CDYL: variants seen among roughly 807,000 people sequenced by gnomAD.
CDYL encodes the protein chromodomain Y like.
CDYL carries 8 observed loss-of-function variants against 47.3 expected under a neutral mutation model. The ratio of observed to expected loss-of-function variants is 0.17; its 90% confidence interval spans 0.10 to 0.31. The LOEUF is 0.31. CDYL is among the 10% of genes least tolerant of loss of function. The pLI, the probability that CDYL is intolerant of heterozygous loss-of-function variation, is 1.00. For synonymous variants in CDYL, 266 were observed against 265.0 expected, an observed-to-expected ratio of 1.00 and a Z score of -0.04; for missense variants, 471 against 701.4, an observed-to-expected ratio of 0.67 and a Z score of 3.71.
intron 2 of CDYL, among the ~76,000 whole-genome samples, chr6:4,894,935 G>GTATATGTGT (rs1762167466): frequency 5.8e-5 from 1 of 17,336 alleles, no homozygotes; most frequent in Non-Finnish European, 2.0e-3. Flanking sequence ...ATGTATGTGT[G>GTATATGTGT]TATATGTGTA....
upstream of CDYL, chr6:4,772,914 C>T: frequency 2.8e-6 from 1 of 351,616 alleles, no homozygotes; most frequent in Non-Finnish European, 5.6e-6. Context: ...CCCCCATCTC[C>T]CCTTGGATGC....
intron 1 of CDYL, among the ~76,000 whole-genome samples, chr6:4,826,563 A>G (rs142076919): frequency 0.027 from 4,035 of 152,252 alleles, 181 homozygotes; most frequent in African/African-American, 0.091. Context: ...GTTTTCATGC[A>G]TCCCTAAGTG....
chr6:4,851,492 C>T (rs1291700110), intron 1 of CDYL, among the ~76,000 whole-genome samples: 5 of 152,100 alleles, frequency 3.3e-5, no homozygotes, highest in Non-Finnish European at 1.5e-5. Context: ...ACATCTGGGA[C>T]AGCTCCTCTC....
chr6:4,722,322 G>A (rs996162775), intron 2 of CDYL, among the ~76,000 whole-genome samples: 1 of 152,052 alleles, frequency 6.6e-6, no homozygotes, highest in African/African-American at 2.4e-5. Context: ...ACTTTGGGAG[G>A]CCAAGGTGGG....
chr6:4,734,651 A>AGGGGGG, intron 2 of CDYL: 6 of 1,414,854 alleles, frequency 4.2e-6, no homozygotes, highest in Admixed American at 2.3e-5. Flanking sequence ...CTAATTCAGG[A>AGGGGGG]AGGGGAGGGC....
intron 2 of CDYL, among the ~76,000 whole-genome samples, chr6:4,916,974 C>G (rs1470158623): frequency 6.6e-6 from 1 of 152,086 alleles, no homozygotes; most frequent in Non-Finnish European, 1.5e-5. Context: ...AGCTTTGATC[C>G]GTTTTGTTTT....
chr6:4,865,105 T>C (rs1761281312), intron 1 of CDYL, among the ~76,000 whole-genome samples: 1 of 152,164 alleles, frequency 6.6e-6, no homozygotes, highest in African/African-American at 2.4e-5. Flanking sequence ...TAATCAGTAG[T>C]TCACATCTGT....
rs1005124751 is a variant in CDYL at position 4,776,649 on chromosome 6, C to T, written c.-135C>T. Reference sequence around the variant, plus strand: ...GGCCGCGGAGTGCAAGAGGCTCGTCCGTGCCCAGCGCCCGGCCGGCCGCGG... The same window carrying T: ...GGCCGCGGAGTGCAAGAGGCTCGTCTGTGCCCAGCGCCCGGCCGGCCGCGG... On this transcript the variant is annotated 5_prime_UTR_variant, in exon 1 of 7. Coordinates refer to ENST00000397588, the MANE Select transcript of CDYL (RefSeq NM_004824.4). The T allele has an allele frequency of 8.4e-6, 6 of 715,842 alleles. No homozygotes were observed. The highest frequency in any genetic ancestry group is 8.9e-5 in the Admixed American group (2 of 22,532). The allele number at this position is 715,842 out of a possible 1,614,324, so 44.3% of individuals were successfully genotyped here.
intron 2 of CDYL, among the ~76,000 whole-genome samples, chr6:4,721,140 C>G (rs1757361273): frequency 6.6e-6 from 1 of 152,128 alleles, no homozygotes; most frequent in African/African-American, 2.4e-5. Context: ...TCAGGATAAC[C>G]ATATGCAGGA....
intron 1 of CDYL, among the ~76,000 whole-genome samples, chr6:4,831,350 G>T (rs1760138087): frequency 1.3e-5 from 2 of 152,224 alleles, no homozygotes; most frequent in South Asian, 4.1e-4. Context: ...TTTCCCCATT[G>T]CTTGTTTTTC....
chr6:4,815,104 T>C (rs968080046), intron 1 of CDYL, among the ~76,000 whole-genome samples: 1 of 152,200 alleles, frequency 6.6e-6, no homozygotes, highest in Non-Finnish European at 1.5e-5. Context: ...TAATAGTACA[T>C]GCTTATGCTT....
intron 1 of CDYL, among the ~76,000 whole-genome samples, chr6:4,861,288 C>T (rs1017159790): frequency 1.3e-5 from 2 of 152,202 alleles, no homozygotes; most frequent in Non-Finnish European, 2.9e-5. Context: ...CAAATGGAGT[C>T]GTTAACTGTG....
intron 2 of CDYL, among the ~76,000 whole-genome samples, chr6:4,731,262 G>A (rs1395278739): frequency 1.3e-5 from 2 of 152,146 alleles, no homozygotes; most frequent in Non-Finnish European, 2.9e-5. Flanking sequence ...CACATGAAGT[G>A]TTCACATAAA....
intron 1 of CDYL, among the ~76,000 whole-genome samples, chr6:4,859,360 G>A (rs1217627690): frequency 6.6e-6 from 1 of 151,964 alleles, no homozygotes. Context: ...GTGTAGGTAG[G>A]TCAGCTGCCC....
chr6:4,883,073 C>T (rs550442755), intron 1 of CDYL, among the ~76,000 whole-genome samples: 3 of 152,282 alleles, frequency 2.0e-5, no homozygotes, highest in East Asian at 3.9e-4. Context: ...TGCCTTGTCC[C>T]TCTTGCATCT....
chr6:4,824,417 C>T (rs1018863668), intron 1 of CDYL, among the ~76,000 whole-genome samples: 1 of 152,208 alleles, frequency 6.6e-6, no homozygotes, highest in Admixed American at 6.5e-5. Context: ...AAATTATAGT[C>T]ATCCTCATAG....
chr6:4,770,247 A>G (rs530923783), intron 3 of CDYL, among the ~76,000 whole-genome samples: 109 of 152,286 alleles, frequency 7.2e-4, no homozygotes, highest in Middle Eastern at 3.4e-3. Context: ...CCTGGCATAC[A>G]ATAAATGGTC....
chr6:4,842,148 TATATATTATAA>T (rs1760517098), intron 1 of CDYL, among the ~76,000 whole-genome samples: 1 of 144,212 alleles, frequency 6.9e-6, no homozygotes, highest in Non-Finnish European at 1.5e-5. Context: ...TTATATTACT[TATATATTATAA>T]ATATATTATA....
intron 1 of CDYL, among the ~76,000 whole-genome samples, chr6:4,823,457 C>G (rs903107417): frequency 2.6e-5 from 4 of 152,204 alleles, no homozygotes. Flanking sequence ...TATCTGTAGT[C>G]CTTTTCTCTT....
Sources: allele counts gnomAD v4.1 joint callset (sites outside exome capture counted in the v4.1 genomes callset), GRCh38; gene constraint gnomAD v4.1.1; transcripts MANE v1.5; gene names NCBI Gene and HGNC (gene_info 2026-07-23, HGNC 2026-07-21).